The following UGP2 variants were observed in gnomAD, a reference collection of about 807,000 sequenced individuals.
The protein encoded by UGP2 is UTP--glucose-1-phosphate uridylyltransferase.
A neutral mutation model predicts 49.0 loss-of-function variants in UGP2; 40 were observed. The ratio of observed to expected loss-of-function variants is 0.82; its 90% CI spans 0.63 to 1.06. UGP2 has a LOEUF of 1.06. Among genes scored for constraint, UGP2 ranks in the 50% least tolerant of loss-of-function variants. The probability of loss-of-function intolerance (pLI) is 0.00; values close to 1 mark genes in which losing one functional copy is unlikely to be tolerated. For missense variants in UGP2, 460 were observed against 603.5 expected, an observed-to-expected ratio of 0.76 and a Z score of 2.49; for synonymous variants, 225 against 213.0, an observed-to-expected ratio of 1.06 and a Z score of -0.49.
chr2:63,856,105 G>A (rs543152484), intron 1 of UGP2: 15 of 529,720 alleles, frequency 2.8e-5, no homozygotes, highest in South Asian at 2.2e-4. Context: ...CTCTCAAGGG[G>A]TTCTTGTTTA....
intron 1 of UGP2, chr2:63,842,684 C>G: frequency 1.5e-6 from 2 of 1,296,176 alleles, no homozygotes; most frequent in Non-Finnish European, 2.0e-6. Flanking sequence ...GTCTCAGATT[C>G]ACTTATTGCG....
chr2:63,854,390 T>C (rs1328750788), intron 1 of UGP2, among the ~76,000 whole-genome samples: 1 of 152,256 alleles, frequency 6.6e-6, no homozygotes, highest in Non-Finnish European at 1.5e-5. Flanking sequence ...AGGATTTTAG[T>C]TGACCTTCCT....
Position 63,856,767 on chromosome 2 carries a change from T to C in UGP2, c.147+334T>C, listed in dbSNP as rs547180723. On this transcript the variant is annotated intron_variant, in intron 2 of 9. Transcript: ENST00000337130. ...GTAATTGAGAGAAGTTAGCTTCATATGTCCTGCATGCCTTTTCCAGAGAGT... is the reference window on the plus strand; with the variant it reads ...GTAATTGAGAGAAGTTAGCTTCATACGTCCTGCATGCCTTTTCCAGAGAGT... The C allele has an allele frequency of 1.7e-4, 79 of 467,756 alleles. 1 individual carries two copies. Among genetic ancestry groups the C allele is most frequent in the South Asian group, 1.2e-3 (76 of 64,630 alleles). 29.0% of individuals were successfully genotyped at this position (467,756 alleles called of 1,614,324 possible).
intron 9 of UGP2, among the ~76,000 whole-genome samples, 181 bp from the exon 10 acceptor site, chr2:63,890,939 G>T (rs923975748): frequency 6.6e-6 from 1 of 151,880 alleles, no homozygotes; most frequent in Non-Finnish European, 1.5e-5. Flanking sequence ...TGCCAGGATT[G>T]TTACAGAAGG....
At chr2:63,874,498 G>C (rs1670774852) in intron 3 of UGP2, among the ~76,000 whole-genome samples, 1 of 152,174 alleles carries the variant, frequency 6.6e-6, no homozygotes, top group East Asian at 1.9e-4. Context: ...CTTAGAATGA[G>C]ATTTTCAAGG....
intron 3 of UGP2, among the ~76,000 whole-genome samples, chr2:63,881,954 T>G (rs1390441508): frequency 6.6e-6 from 1 of 152,252 alleles, no homozygotes; most frequent in East Asian, 1.9e-4. Context: ...AAAGGCAAAC[T>G]TATGACTGCA....
chr2:63,866,393 G>A (rs1479205374), intron 3 of UGP2, among the ~76,000 whole-genome samples: 58 of 152,168 alleles, frequency 3.8e-4, no homozygotes, highest in Non-Finnish European at 8.8e-5. Flanking sequence ...CTGACTACTT[G>A]TTCAGATGTT....
intron 3 of UGP2, 81 bp downstream of exon 3, chr2:63,858,017 G>A (rs1669567407): frequency 7.8e-7 from 1 of 1,275,848 alleles, no homozygotes; most frequent in Admixed American, 1.9e-5. Flanking sequence ...GTAGTGTAGG[G>A]GACCTATAAC....
chr2:63,862,594 T>C (rs1669924409), intron 3 of UGP2, among the ~76,000 whole-genome samples: 1 of 152,126 alleles, frequency 6.6e-6, no homozygotes, highest in South Asian at 2.1e-4. Flanking sequence ...GGCAGTTACA[T>C]ATTTGATTTG....
chr2:63,886,009 CATAAT>C, intron 6 of UGP2, 123 bp downstream of exon 6: 1 of 1,126,440 alleles, frequency 8.9e-7, no homozygotes, highest in Non-Finnish European at 1.2e-6. Flanking sequence ...TTCTGTTTGA[CATAAT>C]AGTATGTATC....
At chr2:63,876,473 C>T (rs951480045) in intron 3 of UGP2, among the ~76,000 whole-genome samples, 1 of 152,200 alleles carries the variant, frequency 6.6e-6, no homozygotes, top group Non-Finnish European at 1.5e-5. Flanking sequence ...AATATTTCTC[C>T]CGTCTTCATA....
intron 2 of UGP2, chr2:63,857,012 T>C (rs940491910): frequency 5.5e-5 from 20 of 361,796 alleles, no homozygotes; most frequent in Admixed American, 1.5e-4. Flanking sequence ...GGTAAGTAAG[T>C]GTAGCGGCCA....
intron 1 of UGP2, among the ~76,000 whole-genome samples, chr2:63,846,473 A>T (rs892208007): frequency 2.0e-5 from 3 of 152,194 alleles, no homozygotes; most frequent in Non-Finnish European, 4.4e-5. Flanking sequence ...ATGTGCCATT[A>T]TCTATCTAAA....
At chr2:63,879,046 G>T (rs1384015755) in intron 3 of UGP2, among the ~76,000 whole-genome samples, 2 of 150,590 alleles carry the variant, frequency 1.3e-5, no homozygotes, top group Non-Finnish European at 3.0e-5. Context: ...TTTTCTTGAT[G>T]ACTTATGTCC....
chr2:63,849,192 T>G (rs1448664936), intron 1 of UGP2, among the ~76,000 whole-genome samples: 1 of 152,240 alleles, frequency 6.6e-6, no homozygotes, highest in Non-Finnish European at 1.5e-5. Flanking sequence ...GACCAGAAAT[T>G]AGTTGTATTA....
Position 63,884,049 on chromosome 2 carries a change from G to C in UGP2, c.531G>C (p.Lys177Asn). 6.2e-7 allele frequency: 1 copy of C among 1,612,868 alleles called. No individual in the cohort carries two copies. The highest frequency in any genetic ancestry group is 8.5e-7 in the Non-Finnish European group (1 of 1,179,704). ...AAGATACCAAAAAAATACTACAGAAGTACAATCATTGTCGTGTGAAAATCT... is the reference window on the plus strand; with the variant it reads ...AAGATACCAAAAAAATACTACAGAACTACAATCATTGTCGTGTGAAAATCT... The part of the protein sequence containing the change: ...TDEDTKKILQ[K>N]YNHCRVKIYT... The change falls in exon 5 of 10, where the codon AAG (lysine) becomes AAC (asparagine). Residue 177 changes from lysine to asparagine, a missense_variant. Physicochemically the swap from Lys to Asn is moderately conservative, Grantham distance 94 (BLOSUM62 0). This residue lies in a region of UGP2 where 317 missense variants were observed against 473.0 expected (regional missense o/e 0.67). Coordinates refer to ENST00000337130, the MANE Select transcript of UGP2 (RefSeq NM_006759.4).
chr2:63,887,371 T>C lies in UGP2; in HGVS notation c.1072-31T>C, dbSNP rs749391288. ...AAGTTGTAGGTGCCTAAAACCTCTG[T>C]TTTCTATTCCCCACCCCTAATTTCT... is the stretch of plus-strand genomic sequence containing the variant. On this transcript the variant is annotated intron_variant, in intron 7 of 9. Coordinates refer to ENST00000337130, the MANE Select transcript of UGP2 (RefSeq NM_006759.4). 34 of 1,612,308 alleles carry C rather than the reference T, an allele frequency of 2.1e-5. No homozygotes were observed. The Admixed American group carries it at 4.9e-4, about 23-fold the overall frequency.
At chr2:63,890,311 A>C (rs559363558) in intron 9 of UGP2, 126 bp downstream of exon 9, 129,897 of 633,956 alleles carry the variant, frequency 0.2, 15,702 homozygotes, top group Non-Finnish European at 0.24. Flanking sequence ...TTACTAGTGT[A>C]ATTATTTTAC....
intron 3 of UGP2, among the ~76,000 whole-genome samples, chr2:63,876,835 C>T (rs1181571719): frequency 1.3e-5 from 2 of 152,216 alleles, no homozygotes; most frequent in Non-Finnish European, 2.9e-5. Flanking sequence ...GTCCGTGGAT[C>T]AGCTCATTTT....
Sources: allele counts gnomAD v4.1 joint callset (sites outside exome capture counted in the v4.1 genomes callset), GRCh38; gene constraint gnomAD v4.1.1; regional missense constraint gnomAD v4.1.1; transcripts MANE v1.5; gene names NCBI Gene and HGNC (gene_info 2026-07-23, HGNC 2026-07-21).